The following GPATCH2L variants were observed in gnomAD, a reference collection of about 807,000 sequenced individuals.
GPATCH2L encodes G-patch domain containing 2 like.
Under a neutral mutation model 57.4 loss-of-function variants are expected in GPATCH2L, and 31 were observed. That is an observed-to-expected ratio of 0.54 (90% CI 0.41 to 0.73). The LOEUF is 0.73. Among genes scored for constraint, GPATCH2L ranks in the 30% least tolerant of loss-of-function variants. The pLI, the probability that GPATCH2L is intolerant of heterozygous loss-of-function variation, is 0.00. For missense variants in GPATCH2L, 481 were observed against 599.9 expected (o/e 0.80, Z 2.07); for synonymous variants, 199 against 210.7 (o/e 0.94, Z 0.48).
In GPATCH2L at chr14:76,154,731, G is replaced by A; in HGVS notation, c.368G>A (p.Cys123Tyr). The A allele has an allele frequency of 6.2e-7, 1 of 1,614,200 alleles. No homozygotes were observed. The highest frequency in any genetic ancestry group is 8.5e-7 in the Non-Finnish European group (1 of 1,180,012). The change falls in exon 2 of 10, where the codon TGT becomes TAT. Residue 123 changes from cysteine to tyrosine, a missense_variant. Physicochemically the swap from Cys to Tyr is radical, Grantham distance 194. This residue lies in a region of GPATCH2L where 208 missense variants were observed against 272.4 expected (regional missense o/e 0.76). Transcript: ENST00000261530. This position sits in a 1 kb window ranked among gnomAD's most constrained non-coding sequence, Gnocchi z 4.4. ...GACTCCTTTACTGAAAATGCACCTT[G>A]TCGACCACTCAGGCGCAGGCGGAAG... ...ESDSFTENAP[C>Y]RPLRRRRKVK...
At chr14:76,230,694 C>T (rs1043618024) in intron 2 of GPATCH2L, among the ~76,000 whole-genome samples, 1 of 152,174 alleles carries the variant, frequency 6.6e-6, no homozygotes, top group Non-Finnish European at 1.5e-5. Context: ...TTGGTTGCTT[C>T]CAAGATCATT....
At chr14:76,180,411 A>G (rs2039518419) in intron 7 of GPATCH2L, among the ~76,000 whole-genome samples, 1 of 152,198 alleles carries the variant, frequency 6.6e-6, no homozygotes, top group Non-Finnish European at 1.5e-5. Context: ...TTTCATGCTA[A>G]TCTTCTTGGG....
At chr14:76,235,168 C>CAAAA (rs34157061) in intron 2 of GPATCH2L, among the ~76,000 whole-genome samples, 1 of 98,756 alleles carries the variant, frequency 1.0e-5, no homozygotes, top group Non-Finnish European at 2.2e-5. Flanking sequence ...AACTCTGTCT[C>CAAAA]AAAAAAAAAA....
downstream of GPATCH2L, among the ~76,000 whole-genome samples, chr14:76,214,961 G>A (rs535387722): frequency 2.6e-5 from 4 of 152,002 alleles, no homozygotes; most frequent in African/African-American, 9.6e-5. Context: ...GAGGTTTGGG[G>A]TATGAATGAC....
Position 76,171,993 on chromosome 14 carries a change from T to G in GPATCH2L, c.878T>G (p.Leu293Arg). ...GLDKFSDSTF[L>R]LPSRPAQRGY... ...GATAAATTTTCAGATTCCACATTCCTTTTACCTTCTCGGCCAGCTCAAAGA... is the reference window on the plus strand; with the variant it reads ...GATAAATTTTCAGATTCCACATTCCGTTTACCTTCTCGGCCAGCTCAAAGA... The change falls in exon 4 of 10, where the codon CTT becomes CGT. Residue 293 changes from leucine to arginine, a missense_variant. Coordinates refer to ENST00000261530, the MANE Select transcript of GPATCH2L (RefSeq NM_017926.4). 1 of 1,610,402 alleles carries G rather than the reference T, an allele frequency of 6.2e-7. No homozygotes were observed. The highest frequency in any genetic ancestry group is 8.5e-7 in the Non-Finnish European group (1 of 1,178,090).
At chr14:76,158,888 T>TTGAGGTCGATATGATACTATTGTA (rs2038437193) in intron 2 of GPATCH2L, among the ~76,000 whole-genome samples, 1 of 152,146 alleles carries the variant, frequency 6.6e-6, no homozygotes, top group African/African-American at 2.4e-5. Context: ...AAGGTCTATC[T>TTGAGGTCGATATGATACTATTGTA]CTTGAAAGAA....
At chr14:76,173,989 G>C (rs1393608843) in intron 5 of GPATCH2L, 2 of 299,002 alleles carry the variant, frequency 6.7e-6, no homozygotes, top group African/African-American at 4.3e-5. Context: ...ATTCATGAAT[G>C]CATCTTTGTT....
rs762445735 is a variant in GPATCH2L at position 76,201,838 on chromosome 14, C to G, written c.1436C>G (p.Pro479Arg). 4.3e-6 allele frequency: 7 copies of G among 1,613,828 alleles called. No homozygotes were observed. The highest frequency in any genetic ancestry group is 5.9e-6 in the Non-Finnish European group (7 of 1,179,822). ...TFFKMPQEKS[P>R]GYS ...TTTAAAATGCCACAAGAAAAGAGCC[C>G]TGGATACAGCTAGAGAGCAGGACTT... Residue 479 changes from proline (P) to arginine (R), a missense_variant, in exon 10 of 10, where the codon CCT becomes CGT. By Grantham distance (103) the Pro-to-Arg change is moderately radical (BLOSUM62 -2). Coordinates refer to ENST00000261530, the MANE Select transcript of GPATCH2L (RefSeq NM_017926.4).
At chr14:76,159,328 C>T (rs1348363600) in intron 2 of GPATCH2L, among the ~76,000 whole-genome samples, 2 of 152,218 alleles carry the variant, frequency 1.3e-5, no homozygotes, top group Non-Finnish European at 2.9e-5. Context: ...CATTCTTTCT[C>T]TCAACTTTTA....
chr14:76,197,239 A>G (rs1243371379), intron 9 of GPATCH2L, among the ~76,000 whole-genome samples: 3 of 152,186 alleles, frequency 2.0e-5, no homozygotes, highest in Admixed American at 6.5e-5. Flanking sequence ...ATGACTGTGC[A>G]TCAAAACTCA....
intron 8 of GPATCH2L, among the ~76,000 whole-genome samples, chr14:76,191,610 C>A (rs117903189): frequency 0.018 from 2,695 of 152,132 alleles, 45 homozygotes; most frequent in South Asian, 0.032. Context: ...TTTCCCCAGG[C>A]TTGTTCTCTT....
At chr14:76,235,174 A>G (rs1451886110) in intron 2 of GPATCH2L, among the ~76,000 whole-genome samples, 1 of 150,768 alleles carries the variant, frequency 6.6e-6, no homozygotes, top group African/African-American at 2.4e-5. Flanking sequence ...GTCTCAAAAA[A>G]AAAAAAAAAA....
At chr14:76,199,062 A>G (rs1440822416) in intron 9 of GPATCH2L, among the ~76,000 whole-genome samples, 1 of 152,184 alleles carries the variant, frequency 6.6e-6, no homozygotes, top group African/African-American at 2.4e-5. Flanking sequence ...GTTTCTTAGT[A>G]AATATTGAAG....
intron 5 of GPATCH2L, chr14:76,175,304 G>A (rs1566790250): frequency 2.0e-5 from 3 of 152,126 alleles, no homozygotes; most frequent in Admixed American, 2.0e-4. Context: ...ATATTTACTT[G>A]TTTAATTCAT....
At position 76,208,233 on chromosome 14, in the gene GPATCH2L, G is replaced by C. The variant is rs1433993040; in HGVS notation, c.*6382G>C. ...ACCCCTCAATCAAATGTTTTTAATT[G>C]AAAGGGGAAAGAAAATATCAGAGAA... On this transcript the variant is annotated 3_prime_UTR_variant, in exon 10 of 10. Transcript: ENST00000261530. 2.0e-5 allele frequency: 3 copies of C among 152,140 alleles called. No individual in the cohort carries two copies. Among genetic ancestry groups the C allele is most frequent in the Non-Finnish European group, 4.4e-5 (3 of 68,016 alleles). The allele number at this position is 152,140 out of a possible 1,614,324, so 9.4% of individuals were successfully genotyped here.
In GPATCH2L at chr14:76,231,308, G is replaced by A. The variant is rs116145372; in HGVS notation, c.*117+1355G>A. On this transcript the variant is annotated intron_variant and NMD_transcript_variant, in intron 2 of 3. Transcript: ENST00000556372. Reference sequence around the variant, plus strand: ...CCCCTGTTATAGACTCACATCATCCGTCATCACGACCGTCTCTTTCCTAGT... The same window carrying A: ...CCCCTGTTATAGACTCACATCATCCATCATCACGACCGTCTCTTTCCTAGT... Among the ~76,000 whole-genome samples the A allele has an allele frequency of 2.9e-3, 435 of 152,248 alleles. 3 individuals are homozygous for A. Among genetic ancestry groups the A allele is most frequent in the African/African-American group, 0.01 (416 of 41,530 alleles).
chr14:76,186,411 TAAG>T lies in GPATCH2L; in HGVS notation c.1193+5570_1193+5572del, dbSNP rs2039768590. ...CCACTTGACAAGGAGTTTCAAAGAG[TAAG>T]AAGAAGACTCACTTCATGCTATTAA... On this transcript the variant is annotated intron_variant, in intron 8 of 9. Coordinates refer to ENST00000261530, the MANE Select transcript of GPATCH2L (RefSeq NM_017926.4). 2.6e-5 allele frequency among the ~76,000 whole-genome samples: 4 copies of T among 152,134 alleles called. No individual in the cohort carries two copies. In the South Asian group the frequency reaches 6.2e-4, roughly 24 times the overall value.
Position 76,201,445 on chromosome 14 carries a change from C to G in GPATCH2L, c.1289-246C>G, listed in dbSNP as rs149896847. Among the ~76,000 whole-genome samples, 6 of 152,114 alleles carry G rather than the reference C, an allele frequency of 3.9e-5. No individual in the cohort carries two copies. In the South Asian group the frequency reaches 8.3e-4, roughly 21 times the overall value. ...AGTGATTTTTACTACATTATGAATG[C>G]GTGCTACTGAATTTATTTGTTCAGT... On this transcript the variant is annotated intron_variant, in intron 9 of 9. Coordinates refer to ENST00000261530, the MANE Select transcript of GPATCH2L (RefSeq NM_017926.4).
At chr14:76,198,999 C>T (rs1213294828) in intron 9 of GPATCH2L, among the ~76,000 whole-genome samples, 1 of 152,078 alleles carries the variant, frequency 6.6e-6, no homozygotes, top group Non-Finnish European at 1.5e-5. Flanking sequence ...AGGGCAAATT[C>T]TTATTGCCCA....
Sources: gnomAD v4.1 joint callset for allele counts (sites outside exome capture counted in the v4.1 genomes callset) on GRCh38, gnomAD v4.1.1 for gene constraint, gnomAD v4.1.1 regional missense constraint, Gnocchi (gnomAD v3.1) non-coding constraint, MANE v1.5 for transcripts, NCBI Gene and HGNC (gene_info 2026-07-23, HGNC 2026-07-21) for gene names.